Variants in BTNL8 observed in about 807,000 individuals in gnomAD.
BTNL8 encodes butyrophilin-like protein 8.
BTNL8 carries 22 observed loss-of-function variants against 36.1 expected under a neutral mutation model. The ratio of observed to expected loss-of-function variants is 0.61; its 90% confidence interval spans 0.44 to 0.87. The LOEUF (loss-of-function observed/expected upper bound fraction) is 0.87, where lower values mean the gene tolerates loss of function less well. Ranked by LOEUF, BTNL8 falls within the 40% of genes least tolerant of loss-of-function variation. The pLI, the probability that BTNL8 is intolerant of heterozygous loss-of-function variation, is 0.00. For synonymous variants in BTNL8, 203 were observed against 235.6 expected (o/e 0.86, Z 1.27); for missense variants, 526 against 616.9 (o/e 0.85, Z 1.56).
chr5:180,911,374 T>C lies in BTNL8; in HGVS notation c.433T>C (p.Tyr145His), dbSNP rs372045915. 7.8e-5 allele frequency: 126 copies of C among 1,614,044 alleles called. No individual in the cohort carries two copies. The highest frequency in any genetic ancestry group is 4.9e-4 in the Middle Eastern group (3 of 6,084). ...GSVPLISITG[Y>H]VDRDIQLLCQ... ...AGTTCCTCTCATTTCCATCACGGGA[T>C]ATGTTGATAGAGACATCCAGCTACT... Residue 145 changes from tyrosine to histidine, a missense_variant, in exon 3 of 8, where the codon TAT (tyrosine) becomes CAT (histidine). This residue lies in a region of BTNL8 where 350 missense variants were observed against 324.6 expected (regional missense o/e 1.08). Coordinates refer to ENST00000340184, the MANE Select transcript of BTNL8 (RefSeq NM_001040462.3).
At chr5:180,923,394 G>T (rs1757957450) in intron 3 of BTNL8, among the ~76,000 whole-genome samples, 1 of 152,048 alleles carries the variant, frequency 6.6e-6, no homozygotes, top group African/African-American at 2.4e-5. Flanking sequence ...AAATCTATAA[G>T]ATTCTCTATA....
intron 3 of BTNL8, among the ~76,000 whole-genome samples, chr5:180,920,505 A>G (rs570551400): frequency 1.3e-5 from 2 of 152,254 alleles, no homozygotes; most frequent in African/African-American, 4.8e-5. Flanking sequence ...AAGAAAGCAT[A>G]CAGAAAAATC....
chr5:180,919,209 CAA>C (rs1211061799), intron 3 of BTNL8, among the ~76,000 whole-genome samples: 1 of 152,188 alleles, frequency 6.6e-6, no homozygotes, highest in Non-Finnish European at 1.5e-5. Context: ...CTTATTGCTA[CAA>C]AGAGTCTGTT....
intron 3 of BTNL8, among the ~76,000 whole-genome samples, chr5:180,928,761 T>C (rs1213372631): frequency 6.6e-6 from 1 of 152,164 alleles, no homozygotes; most frequent in Non-Finnish European, 1.5e-5. Flanking sequence ...CAAGAAGAGC[T>C]AACTATCCTA....
intron 3 of BTNL8, among the ~76,000 whole-genome samples, chr5:180,938,846 C>T (rs1758790481): frequency 6.6e-6 from 1 of 152,036 alleles, no homozygotes; most frequent in Non-Finnish European, 1.5e-5. Flanking sequence ...CCAACTAAGA[C>T]ATGATGGCCA....
chr5:180,949,195 C>T, intron 6 of BTNL8, 44 bp from the exon 7 acceptor site: 1 of 1,446,714 alleles, frequency 6.9e-7, no homozygotes, highest in African/African-American at 1.5e-5. Flanking sequence ...CGCCCTGTTT[C>T]CCACGTGAGC....
intron 3 of BTNL8, among the ~76,000 whole-genome samples, chr5:180,919,753 AT>A (rs1757786204): frequency 6.6e-6 from 1 of 152,226 alleles, no homozygotes; most frequent in Admixed American, 6.5e-5. Context: ...TACACTAACA[AT>A]AAATTGTCTG....
At chr5:180,947,347 A>G (rs1759310600) in intron 3 of BTNL8, among the ~76,000 whole-genome samples, 165 bp from the exon 4 acceptor site, 1 of 152,200 alleles carries the variant, frequency 6.6e-6, no homozygotes, top group South Asian at 2.1e-4. Context: ...AAATAGAACC[A>G]CTACCTCATT....
chr5:180,941,914 T>TTTTTTTTTTTTGAG (rs1281454934), intron 3 of BTNL8, among the ~76,000 whole-genome samples: 4 of 150,862 alleles, frequency 2.7e-5, no homozygotes, highest in African/African-American at 9.8e-5. Context: ...TTACTACTCT[T>TTTTTTTTTTTTGAG]ATTCAACAAA....
chr5:180,908,597 G>A lies in BTNL8; in HGVS notation c.61G>A (p.Val21Met), dbSNP rs747734600. The change falls in exon 2 of 8, where the codon GTG (valine) becomes ATG (methionine). Residue 21 changes from valine to methionine, a missense_variant. Around this residue, in one of 2 missense-constraint regions of BTNL8, gnomAD observed 350 missense variants for 324.6 expected, o/e 1.08. Transcript: ENST00000340184. ...ATGTCTTCCCACAGGGCAGTGGCAG[G>A]TGTTTGGGCCAGACAAGCCTGTCCA... ...LLKLGSGQWQVFGPDKPVQAL... is the reference protein window; with the variant it reads ...LLKLGSGQWQMFGPDKPVQAL... 1 of 1,613,788 alleles carries A rather than the reference G, an allele frequency of 6.2e-7. No homozygotes were observed. The highest frequency in any genetic ancestry group is 2.2e-5 in the East Asian group (1 of 44,874).
chr5:180,915,611 G>C (rs1430728736), intron 3 of BTNL8, among the ~76,000 whole-genome samples: 1 of 152,210 alleles, frequency 6.6e-6, no homozygotes, highest in African/African-American at 2.4e-5. Context: ...AAGTCTGCCA[G>C]TACAGACTAG....
chr5:180,928,682 G>A (rs1442884695), intron 3 of BTNL8, among the ~76,000 whole-genome samples: 1 of 152,130 alleles, frequency 6.6e-6, no homozygotes, highest in Non-Finnish European at 1.5e-5. Context: ...TGATAAAACA[G>A]ACTTTAAACA....
intron 1 of BTNL8, among the ~76,000 whole-genome samples, chr5:180,904,866 G>C (rs1469072592): frequency 6.6e-6 from 1 of 152,010 alleles, no homozygotes; most frequent in Non-Finnish European, 1.5e-5. Context: ...TTGCATCCCA[G>C]GGATGAAGCC....
chr5:180,943,301 A>C (rs1759077980), intron 3 of BTNL8, among the ~76,000 whole-genome samples: 1 of 151,350 alleles, frequency 6.6e-6, no homozygotes. Flanking sequence ...CACCCAGCTA[A>C]TTTTTATATT....
chr5:180,926,890 C>A (rs1320837976), intron 3 of BTNL8, among the ~76,000 whole-genome samples: 2 of 152,170 alleles, frequency 1.3e-5, no homozygotes, highest in African/African-American at 2.4e-5. Flanking sequence ...AAGCTGTAGG[C>A]ACAACTTCAG....
intron 1 of BTNL8, among the ~76,000 whole-genome samples, chr5:180,900,893 C>T (rs1461686506): frequency 6.6e-6 from 1 of 152,236 alleles, no homozygotes; most frequent in Non-Finnish European, 1.5e-5. Context: ...AGATGTGCCG[C>T]CCAGGACTGC....
chr5:180,902,972 C>T lies in BTNL8; in HGVS notation c.49+3613C>T, dbSNP rs1416001080. 1.7e-5 allele frequency among the ~76,000 whole-genome samples: 2 copies of T among 118,710 alleles called. 1 individual carries two copies. The allele number at this position is 118,710 out of a possible 152,430, so 77.9% of individuals were successfully genotyped here. ...CAAGTCTTTGCTATTGTGAATAGTG[C>T]CGCAATAAACATACGTGTGCATGTG... On this transcript the variant is annotated intron_variant, in intron 1 of 7. Transcript: ENST00000340184.
In BTNL8 at chr5:180,908,799, T is replaced by C; in HGVS notation, c.263T>C (p.Val88Ala). ...CAGTATCAAGGCAGGACAAAACTGG[T>C]GAAGGATTCTATTGCGGAGGGGCGC... is the stretch of plus-strand genomic sequence containing the variant. Reference protein sequence around the residue: ...MPQYQGRTKLVKDSIAEGRIS... With the variant: ...MPQYQGRTKLAKDSIAEGRIS... Residue 88 changes from valine (V) to alanine (A), a missense_variant, in exon 2 of 8, where the codon GTG (valine) becomes GCG (alanine). Coordinates refer to ENST00000340184, the MANE Select transcript of BTNL8 (RefSeq NM_001040462.3). 6.2e-7 allele frequency: 1 copy of C among 1,614,106 alleles called. No individual in the cohort carries two copies. The highest frequency in any genetic ancestry group is 1.3e-5 in the African/African-American group (1 of 75,010).
intron 3 of BTNL8, among the ~76,000 whole-genome samples, chr5:180,911,832 T>C (rs1026551154): frequency 2.0e-5 from 3 of 152,218 alleles, no homozygotes; most frequent in African/African-American, 7.2e-5. Flanking sequence ...GAATTAAGTA[T>C]TTCCTTCAGC....
Sources: gnomAD v4.1 joint callset for allele counts (sites outside exome capture counted in the v4.1 genomes callset) on GRCh38, gnomAD v4.1.1 for gene constraint, gnomAD v4.1.1 regional missense constraint, MANE v1.5 for transcripts, NCBI Gene and HGNC (gene_info 2026-07-23, HGNC 2026-07-21) for gene names.